DOCK2: variants seen among roughly 807,000 people sequenced by gnomAD.
DOCK2 encodes the protein dedicator of cytokinesis protein 2.
In DOCK2, 87 loss-of-function variants were observed where a neutral mutation model predicts 248.9. The ratio of observed to expected loss-of-function variants is 0.35; its 90% confidence interval spans 0.29 to 0.42. The LOEUF is 0.42. Ranked by LOEUF, DOCK2 falls within the 10% of genes least tolerant of loss-of-function variation. The probability of loss-of-function intolerance (pLI) is 1.00; values close to 1 mark genes in which losing one functional copy is unlikely to be tolerated. For missense variants in DOCK2, 1,747 were observed against 2,300.2 expected (o/e 0.76, Z 4.92); for synonymous variants, 805 against 821.6 (o/e 0.98, Z 0.35).
chr5:169,654,372 T>C, intron 1 of DOCK2, 31 bp from the exon 2 acceptor site: 1 of 1,612,686 alleles, frequency 6.2e-7, no homozygotes, highest in Non-Finnish European at 8.5e-7. Flanking sequence ...TCTAGAGGTC[T>C]CACCTAGCTG....
At chr5:170,014,557 G>A (rs961098894) in intron 32 of DOCK2, among the ~76,000 whole-genome samples, 1 of 146,852 alleles carries the variant, frequency 6.8e-6, no homozygotes, top group African/African-American at 2.5e-5. Flanking sequence ...GGGCTCAAAA[G>A]ACTCATGCAG....
chr5:169,865,699 T>C (rs925858392), intron 27 of DOCK2, among the ~76,000 whole-genome samples: 4 of 152,256 alleles, frequency 2.6e-5, no homozygotes, highest in Non-Finnish European at 4.4e-5. Flanking sequence ...GTGTGGGAAG[T>C]GGAGGAAACG....
At chr5:169,918,807 G>A (rs1775019291) in intron 27 of DOCK2, among the ~76,000 whole-genome samples, 1 of 152,154 alleles carries the variant, frequency 6.6e-6, no homozygotes, top group Admixed American at 6.5e-5. Context: ...CAGCTACTCG[G>A]GAGGCTGAGG....
intron 1 of DOCK2, among the ~76,000 whole-genome samples, chr5:169,652,895 A>T (rs1272978048): frequency 6.6e-6 from 1 of 152,180 alleles, no homozygotes. Context: ...ACAGAGCAGC[A>T]TTGGCTATTT....
At chr5:169,901,853 C>T (rs896615120) in intron 27 of DOCK2, among the ~76,000 whole-genome samples, 3 of 152,186 alleles carry the variant, frequency 2.0e-5, no homozygotes, top group African/African-American at 7.2e-5. Context: ...TGTTTGCTTG[C>T]ATCTGTTGGA....
chr5:169,729,270 C>T (rs561308165), intron 22 of DOCK2, among the ~76,000 whole-genome samples: 2 of 152,312 alleles, frequency 1.3e-5, no homozygotes, highest in Admixed American at 6.5e-5. Flanking sequence ...TATGACTAGA[C>T]GTACTTTGTG....
At chr5:169,960,055 T>A (rs897123721) in intron 27 of DOCK2, among the ~76,000 whole-genome samples, 1 of 152,210 alleles carries the variant, frequency 6.6e-6, no homozygotes, top group African/African-American at 2.4e-5. Flanking sequence ...CTCAAAGAAC[T>A]GCCTTTATTG....
chr5:169,705,783 T>G (rs553547967), intron 14 of DOCK2, among the ~76,000 whole-genome samples: 1 of 152,338 alleles, frequency 6.6e-6, no homozygotes, highest in Admixed American at 6.5e-5. Flanking sequence ...ACCTGATTCC[T>G]ACCAAGTAAA....
chr5:170,068,959 G>A lies in DOCK2; in HGVS notation c.4645-178G>A, dbSNP rs78378044. On this transcript the variant is annotated intron_variant, in intron 45 of 51. Transcript: ENST00000520908. ...GCCCATTCCCACTGGGTGCTGATCT[G>A]AGCCTCAAAGCAGATAAAACAATGT... 5.8e-3 allele frequency among the ~76,000 whole-genome samples: 888 copies of A among 152,306 alleles called. 5 individuals are homozygous for A. The highest frequency in any genetic ancestry group is 0.02 in the African/African-American group (831 of 41,574).
chr5:170,038,401 C>T (rs1191200430), intron 36 of DOCK2, among the ~76,000 whole-genome samples: 1 of 152,198 alleles, frequency 6.6e-6, no homozygotes, highest in Non-Finnish European at 1.5e-5. Context: ...AGGGTATAGT[C>T]TGAAAATCTG....
chr5:169,902,068 A>G (rs1188250186), intron 27 of DOCK2, among the ~76,000 whole-genome samples: 4 of 152,226 alleles, frequency 2.6e-5, no homozygotes, highest in African/African-American at 9.6e-5. Flanking sequence ...TGCCAAGGAA[A>G]CCACAGAAAC....
intron 27 of DOCK2, among the ~76,000 whole-genome samples, chr5:169,914,845 C>T (rs978088033): frequency 2.0e-5 from 3 of 152,194 alleles, no homozygotes; most frequent in Non-Finnish European, 1.5e-5. Context: ...CTTTTGCATC[C>T]CATGGAGTAA....
intron 27 of DOCK2, among the ~76,000 whole-genome samples, chr5:169,933,900 C>G (rs1208665209): frequency 6.6e-5 from 10 of 152,196 alleles, no homozygotes; most frequent in African/African-American, 2.4e-4. Context: ...GCAGCACTTC[C>G]TGAACAAACT....
At chr5:169,690,110 G>A (rs1346551632) in intron 9 of DOCK2, among the ~76,000 whole-genome samples, 2 of 149,720 alleles carry the variant, frequency 1.3e-5, no homozygotes, top group Non-Finnish European at 3.0e-5. Context: ...CTGGGGTGCA[G>A]TGGCACCATC....
chr5:169,791,314 A>T (rs935773548), intron 25 of DOCK2, among the ~76,000 whole-genome samples: 2 of 152,250 alleles, frequency 1.3e-5, no homozygotes, highest in African/African-American at 4.8e-5. Context: ...CTGCAATGCG[A>T]TGGGGAAGCC....
At chr5:169,692,706 T>C (rs140011245) in intron 9 of DOCK2, among the ~76,000 whole-genome samples, 79 of 152,338 alleles carry the variant, frequency 5.2e-4, no homozygotes, top group African/African-American at 1.8e-3. Context: ...GATTGGTTCA[T>C]GCAAACAAGA....
intron 27 of DOCK2, among the ~76,000 whole-genome samples, chr5:169,967,041 A>G (rs972008795): frequency 6.6e-6 from 1 of 152,238 alleles, no homozygotes; most frequent in African/African-American, 2.4e-5. Context: ...ATGGTGAAGT[A>G]CCTCCTATGT....
At chr5:169,875,627 T>G in intron 27 of DOCK2, 1 of 214,970 alleles carries the variant, frequency 4.7e-6, no homozygotes, top group Non-Finnish European at 9.6e-6. Flanking sequence ...GTTGAGCAAG[T>G]GCCTGACCCT....
chr5:170,053,603 T>G (rs765086434), intron 41 of DOCK2, among the ~76,000 whole-genome samples: 17 of 152,180 alleles, frequency 1.1e-4, no homozygotes, highest in Non-Finnish European at 2.2e-4. Context: ...TCCAGAGTGA[T>G]TTTCTTCCCA....
Sources: allele counts gnomAD v4.1 joint callset (sites outside exome capture counted in the v4.1 genomes callset), GRCh38; gene constraint gnomAD v4.1.1; transcripts MANE v1.5; gene names NCBI Gene and HGNC (gene_info 2026-07-23, HGNC 2026-07-21).